Variants in MED17 observed in about 807,000 individuals in gnomAD.
MED17 encodes mediator complex subunit 17.
Under a neutral mutation model 80.8 loss-of-function variants are expected in MED17, and 49 were observed. That is an observed-to-expected ratio of 0.61 (90% CI 0.48 to 0.77). MED17 has a LOEUF of 0.77. Ranked by LOEUF, MED17 falls within the 30% of genes least tolerant of loss-of-function variation. The pLI is 0.00. For missense variants in MED17, 718 were observed against 787.0 expected (o/e 0.91, Z 1.05); for synonymous variants, 281 against 280.4 (o/e 1.00, Z -0.02).
intron 3 of MED17, among the ~76,000 whole-genome samples, chr11:93,791,040 G>A (rs1032762650): frequency 6.6e-6 from 1 of 152,136 alleles, no homozygotes; most frequent in African/African-American, 2.4e-5. Flanking sequence ...CCCAGGAGGT[G>A]GAGGTTGCAG....
chr11:93,799,055 T>G (rs67594435), intron 8 of MED17, among the ~76,000 whole-genome samples: 18,231 of 152,164 alleles, frequency 0.12, 1,163 homozygotes, highest in African/African-American at 0.16. Flanking sequence ...AAAGACCCTG[T>G]CTGGGCATGG....
rs1944092007 is a variant in MED17, at chr11:93,812,227, A to T, written c.*163A>T. 1.5e-6 allele frequency: 1 copy of T among 672,438 alleles called. No homozygotes were observed. Among genetic ancestry groups the T allele is most frequent in the Non-Finnish European group, 2.6e-6 (1 of 387,368 alleles). 41.7% of individuals were successfully genotyped at this position (672,438 alleles called of 1,614,324 possible). A position where few individuals can be genotyped will look rare whatever the true frequency, so the allele number is the denominator to read the frequency against. On this transcript the variant is annotated 3_prime_UTR_variant, in exon 12 of 12. Coordinates refer to ENST00000251871, the MANE Select transcript of MED17 (RefSeq NM_004268.5). The stretch of plus-strand genomic sequence containing the variant: ...GCACTTTCAAACTTTTCACTTTATA[A>T]ATGACAAGTGCTTTGAAATGCAGAA...
rs1322288767 is a variant in MED17, at chr11:93,814,647, A to T, written c.*2583A>T. 1.3e-5 allele frequency: 2 copies of T among 152,244 alleles called. No homozygotes were observed. The highest frequency in any genetic ancestry group is 3.8e-4 in the East Asian group (2 of 5,206). 9.4% of individuals were successfully genotyped at this position (152,244 alleles called of 1,614,324 possible). ...TTAAATTCTAAAGTACTACATAAAT[A>T]TAAAGCATTAAGCAAGTGTGCTTCT... On this transcript the variant is annotated 3_prime_UTR_variant, in exon 12 of 12. Transcript: ENST00000251871.
At chr11:93,809,910 T>C (rs201499699) in intron 11 of MED17, 34 bp downstream of exon 11, 21 of 1,612,044 alleles carry the variant, frequency 1.3e-5, no homozygotes, top group Admixed American at 1.7e-5. Context: ...GAAGGGACCA[T>C]TGGGAGTTTG....
intron 11 of MED17, chr11:93,811,644 A>C (rs1414304164): frequency 3.5e-6 from 2 of 572,592 alleles, no homozygotes; most frequent in African/African-American, 3.7e-5. Flanking sequence ...GGTACAAATA[A>C]TAATTCATGA....
At position 93,803,661 on chromosome 11, in the gene MED17, C is replaced by G. The variant is rs185915848; in HGVS notation, c.1466+1689C>G. Among the ~76,000 whole-genome samples the G allele has an allele frequency of 2.0e-5, 3 of 152,088 alleles. No homozygotes were observed. The East Asian group carries it at 5.8e-4, about 29-fold the overall frequency. ...ATTTGCCAGTAAGCCTTTTGCCCTC[C>G]TACTGTTTGTGTTTAAAATTTTCCA... On this transcript the variant is annotated intron_variant, in intron 9 of 11. Coordinates refer to ENST00000251871, the MANE Select transcript of MED17 (RefSeq NM_004268.5).
intron 9 of MED17, 137 bp downstream of exon 9, chr11:93,802,109 G>GTTT: frequency 1.1e-5 from 7 of 613,460 alleles, no homozygotes; most frequent in Non-Finnish European, 1.5e-5. Context: ...GCTGTAGAGT[G>GTTT]TTTTTTTTTT....
chr11:93,788,168 G>C lies in MED17; in HGVS notation c.417+1G>C. On this transcript the variant is annotated splice_donor_variant, in intron 2 of 11. Transcript: ENST00000251871. LOFTEE classifies it high-confidence loss of function. The stretch of plus-strand genomic sequence containing the variant: ...TCAGGATGCACTTCCTCCAAAACAG[G>C]TATTTGTGGACTTTAATTGAATAAT... The C allele has an allele frequency of 1.9e-6, 3 of 1,610,964 alleles. No individual in the cohort carries two copies. Among genetic ancestry groups the C allele is most frequent in the Non-Finnish European group, 2.5e-6 (3 of 1,177,690 alleles).
intron 11 of MED17, chr11:93,810,130 T>A: frequency 2.2e-6 from 1 of 463,114 alleles, no homozygotes; most frequent in Non-Finnish European, 3.9e-6. Context: ...TCATCAGCAT[T>A]GTTACTCCTG....
rs1224754604 is a variant in MED17, at chr11:93,784,617, C to T, written c.104C>T (p.Ser35Phe). The change falls in exon 1 of 12, where the codon TCC becomes TTC. Residue 35 changes from serine to phenylalanine, a missense_variant. Physicochemically the swap from Ser to Phe is radical, Grantham distance 155. Coordinates refer to ENST00000251871, the MANE Select transcript of MED17 (RefSeq NM_004268.5). ...DGTETYLPPL[S>F]MSQNLARLAQ... Reference sequence around the variant, plus strand: ...ACCGAGACGTACCTGCCCCCGCTGTCCATGTCGCAGAATCTGGCGCGTCTG... The same window carrying T: ...ACCGAGACGTACCTGCCCCCGCTGTTCATGTCGCAGAATCTGGCGCGTCTG... 2 of 1,597,508 alleles carry T rather than the reference C, an allele frequency of 1.3e-6. No individual in the cohort carries two copies. The highest frequency in any genetic ancestry group is 3.6e-5 in the Admixed American group (2 of 56,198).
At chr11:93,790,218 G>T (rs564716141) in intron 2 of MED17, 1 of 367,778 alleles carries the variant, frequency 2.7e-6, no homozygotes, top group South Asian at 2.2e-5. Context: ...AGTATAATGA[G>T]TGCCAAAAAG....
rs761922335 is a variant in MED17 at position 93,807,589 on chromosome 11, C to T, written c.1538C>T (p.Thr513Ile). ...GTACATAGAGATGGAAGAGTAATTA[C>T]ACTGTCTTATCAGGAGCAGGAGCTA... ...RVVHRDGRVI[T>I]LSYQEQELQD... The change falls in exon 10 of 12, where the codon ACA (threonine) becomes ATA (isoleucine). Residue 513 changes from threonine to isoleucine, a missense_variant. Thr to Ile is a moderately conservative substitution (Grantham distance 89). Coordinates refer to ENST00000251871, the MANE Select transcript of MED17 (RefSeq NM_004268.5). 78 of 1,613,202 alleles carry T rather than the reference C, an allele frequency of 4.8e-5. No homozygotes were observed. Among genetic ancestry groups the T allele is most frequent in the Non-Finnish European group, 5.8e-5 (68 of 1,179,384 alleles).
intron 2 of MED17, 106 bp from the exon 3 acceptor site, chr11:93,790,468 C>G (rs1353776586): frequency 5.4e-6 from 5 of 924,672 alleles, no homozygotes; most frequent in African/African-American, 5.0e-5. Context: ...TGTACTTGCC[C>G]CTCCTTTTTG....
chr11:93,808,194 G>A, intron 10 of MED17: 1 of 166,716 alleles, frequency 6.0e-6, no homozygotes, highest in Non-Finnish European at 1.3e-5. Flanking sequence ...CAAGACCCCT[G>A]TCTCCACAAA....
chr11:93,807,427 A>G (rs532145074), intron 9 of MED17, 91 bp from the exon 10 acceptor site: 160 of 827,570 alleles, frequency 1.9e-4, no homozygotes, highest in Non-Finnish European at 3.2e-4. Flanking sequence ...AAATAATAAT[A>G]TTTTCTAATT....
chr11:93,811,689 T>C (rs1944086536), intron 11 of MED17, 164 bp from the exon 12 acceptor site: 13 of 630,182 alleles, frequency 2.1e-5, no homozygotes, highest in Non-Finnish European at 3.7e-5. Context: ...GAAGTTAGAG[T>C]TTTTCTCTTG....
chr11:93,786,422 G>C (rs543164525), intron 1 of MED17, among the ~76,000 whole-genome samples: 1 of 152,186 alleles, frequency 6.6e-6, no homozygotes, highest in South Asian at 2.1e-4. Flanking sequence ...AAGACAATTT[G>C]GCAGTTTAAT....
chr11:93,796,326 A>G lies in MED17; in HGVS notation c.1013-84A>G. On this transcript the variant is annotated intron_variant, in intron 6 of 11. Coordinates refer to ENST00000251871, the MANE Select transcript of MED17 (RefSeq NM_004268.5). Reference sequence around the variant, plus strand: ...TTTAGAATATATCTTTTGAAAATGAACTATGATTATACTTTATGAAGACAG... The same window carrying G: ...TTTAGAATATATCTTTTGAAAATGAGCTATGATTATACTTTATGAAGACAG... The G allele has an allele frequency of 3.3e-6, 4 of 1,216,596 alleles. No homozygotes were observed. The South Asian group carries it at 4.9e-5, about 15-fold the overall frequency. 75.4% of individuals were successfully genotyped at this position (1,216,596 alleles called of 1,614,324 possible). A position where few individuals can be genotyped will look rare whatever the true frequency, so the allele number is the denominator to read the frequency against.
At chr11:93,788,979 G>A (rs887375836) in intron 2 of MED17, 2 of 152,078 alleles carry the variant, frequency 1.3e-5, no homozygotes, top group Non-Finnish European at 2.9e-5. Context: ...GAGCTGGGTA[G>A]AATTGCTGCT....
Sources: allele counts gnomAD v4.1 joint callset (sites outside exome capture counted in the v4.1 genomes callset), GRCh38; gene constraint gnomAD v4.1.1; transcripts MANE v1.5; gene names NCBI Gene and HGNC (gene_info 2026-07-23, HGNC 2026-07-21).